The following MYO16 variants were observed in gnomAD, a reference collection of about 807,000 sequenced individuals.
MYO16 encodes unconventional myosin-XVI.
In MYO16, 94 loss-of-function variants were observed where a neutral mutation model predicts 205.3. The ratio of observed to expected loss-of-function variants is 0.46; its 90% CI spans 0.39 to 0.54. The LOEUF is 0.54. MYO16 is among the 20% of genes least tolerant of loss of function. The pLI, the probability that MYO16 is intolerant of heterozygous loss-of-function variation, is 0.00. For synonymous variants in MYO16, 988 were observed against 954.0 expected, an observed-to-expected ratio of 1.04 and a Z score of -0.66; for missense variants, 2,315 against 2,387.5, an observed-to-expected ratio of 0.97 and a Z score of 0.63.
chr13:108,542,930 A>G, the MYO16 span, among the ~76,000 whole-genome samples: 3 of 151,712 alleles, frequency 2.0e-5, no homozygotes, highest in African/African-American at 7.3e-5. Context: ...ATATGATTTT[A>G]TTATTATGCT....
intron 16 of MYO16, among the ~76,000 whole-genome samples, chr13:108,957,399 A>AAT: frequency 1.3e-5 from 2 of 151,626 alleles, no homozygotes; most frequent in South Asian, 4.2e-4. Context: ...AAAAAAAAAA[A>AAT]AACAAAAACA....
chr13:108,923,816 C>G (rs935155730), intron 16 of MYO16, among the ~76,000 whole-genome samples: 1 of 152,146 alleles, frequency 6.6e-6, no homozygotes, highest in African/African-American at 2.4e-5. Flanking sequence ...CATAGTAAAC[C>G]TCATCAACAA....
intron 1 of MYO16, among the ~76,000 whole-genome samples, chr13:108,631,610 G>A (rs117293471): frequency 2.5e-3 from 385 of 152,296 alleles, no homozygotes; most frequent in Non-Finnish European, 4.6e-3. Flanking sequence ...AGCTTTGAGT[G>A]TGACAGTCTA....
chr13:109,144,054 G>T lies in MYO16; in HGVS notation c.5164+2678G>T, dbSNP rs551822956. 2.9e-4 allele frequency among the ~76,000 whole-genome samples: 39 copies of T among 135,308 alleles called. No individual in the cohort carries two copies. In the South Asian group the frequency reaches 6.9e-3, roughly 24 times the overall value. 88.8% of individuals were successfully genotyped at this position (135,308 alleles called of 152,430 possible). ...TTTTTTTTTTTTTTGACGGAGTTTT[G>T]CTCTTGTTGGAGGGCAATGGCACAA... On this transcript the variant is annotated intron_variant, in intron 32 of 34. Transcript: ENST00000457511.
intron 16 of MYO16, 123 bp downstream of exon 16, chr13:108,910,273 T>TCCA: frequency 9.3e-7 from 1 of 1,080,752 alleles, no homozygotes; most frequent in Non-Finnish European, 1.3e-6. Flanking sequence ...AACTGTTGGA[T>TCCA]ACTGTTAGGT....
chr13:108,981,653 C>T (rs1025789491), intron 20 of MYO16, among the ~76,000 whole-genome samples: 13 of 152,236 alleles, frequency 8.5e-5, no homozygotes, highest in African/African-American at 2.7e-4. Flanking sequence ...ATTGCGGGGC[C>T]GCTGGGTTAG....
At position 109,141,018 on chromosome 13, in the gene MYO16, C is replaced by G. The variant is rs1255089404; in HGVS notation, c.4806C>G (p.Pro1602=). The G allele has an allele frequency of 5.3e-6, 7 of 1,324,420 alleles. No homozygotes were observed. Among genetic ancestry groups the G allele is most frequent in the Admixed American group, 4.2e-5 (1 of 23,962 alleles). The allele number at this position is 1,324,420 out of a possible 1,614,324, so 82.0% of individuals were successfully genotyped here. Residue 1602 remains proline (P), a synonymous_variant, in exon 32 of 35, where the codon CCC becomes CCG. Coordinates refer to ENST00000457511, the MANE Select transcript of MYO16 (RefSeq NM_001198950.3). The surrounding 1 kb of genome is among the most constrained non-coding windows in gnomAD (Gnocchi z 4.1). The part of the protein sequence containing the change: ...PSTPPPPPPP[P]GPPPAPYRPC... The stretch of plus-strand genomic sequence containing the variant: ...CGCCGCCCCCGCCCCCGCCCCCGCC[C>G]GGGCCGCCCCCCGCGCCCTACAGGC...
At chr13:108,956,926 C>T (rs960506873) in intron 16 of MYO16, among the ~76,000 whole-genome samples, 10 of 152,054 alleles carry the variant, frequency 6.6e-5, no homozygotes, top group Admixed American at 4.6e-4. Flanking sequence ...ATAGGTGATT[C>T]GTACATGTTT....
chr13:108,501,540 T>G, the MYO16 span, among the ~76,000 whole-genome samples: 492 of 152,332 alleles, frequency 3.2e-3, 6 homozygotes, highest in South Asian at 0.026. Flanking sequence ...GATCCAGACT[T>G]GCAAAAAGGT....
the MYO16 span, among the ~76,000 whole-genome samples, chr13:108,572,413 T>C: frequency 7.3e-6 from 1 of 137,308 alleles, no homozygotes; most frequent in Non-Finnish European, 1.6e-5. Flanking sequence ...TTTCTAATGT[T>C]CAGTTATTAT....
At chr13:108,918,136 G>C (rs2139255111) in intron 16 of MYO16, among the ~76,000 whole-genome samples, 1 of 152,316 alleles carries the variant, frequency 6.6e-6, no homozygotes, top group South Asian at 2.1e-4. Context: ...GCTTCAGCAA[G>C]AGAACTATTT....
chr13:108,688,151 T>C (rs893943933), intron 2 of MYO16, among the ~76,000 whole-genome samples: 2 of 152,204 alleles, frequency 1.3e-5, no homozygotes, highest in African/African-American at 2.4e-5. Flanking sequence ...TGTAAAAAAA[T>C]AGGAAATTAC....
chr13:108,577,338 C>T, the MYO16 span, among the ~76,000 whole-genome samples: 4 of 152,146 alleles, frequency 2.6e-5, no homozygotes, highest in African/African-American at 9.7e-5. Flanking sequence ...TAGAGAGCCT[C>T]AATGTCTCAT....
At chr13:108,585,835 G>C in the MYO16 span, among the ~76,000 whole-genome samples, 4 of 152,116 alleles carry the variant, frequency 2.6e-5, no homozygotes, top group Non-Finnish European at 5.9e-5. Flanking sequence ...TAAAAAATCC[G>C]AGCTTAGTCC....
At chr13:108,672,286 A>T (rs1001619583) in intron 2 of MYO16, among the ~76,000 whole-genome samples, 12 of 152,200 alleles carry the variant, frequency 7.9e-5, no homozygotes, top group Non-Finnish European at 1.6e-4. Context: ...GAAATAGTCA[A>T]ATGCACTTGT....
At position 109,119,862 on chromosome 13, in the gene MYO16, T is replaced by C. The variant is rs1875902971; in HGVS notation, c.3439-508T>C. On this transcript the variant is annotated intron_variant, in intron 28 of 34. Transcript: ENST00000457511. Reference sequence around the variant, plus strand: ...AACTTTAGTTCTGAAGTTCTATAATTGCAGTTGTACAAACATTTGATTTAT... The same window carrying C: ...AACTTTAGTTCTGAAGTTCTATAATCGCAGTTGTACAAACATTTGATTTAT... Among the ~76,000 whole-genome samples the C allele has an allele frequency of 2.6e-5, 4 of 152,248 alleles. No homozygotes were observed. In the South Asian group the frequency reaches 8.3e-4, roughly 32 times the overall value.
intron 14 of MYO16, among the ~76,000 whole-genome samples, chr13:108,895,647 G>A (rs1212026007): frequency 6.6e-6 from 1 of 152,104 alleles, no homozygotes; most frequent in Non-Finnish European, 1.5e-5. Context: ...AACTCACCTG[G>A]GTTCAACTCC....
chr13:108,536,035 G>GCA, the MYO16 span, among the ~76,000 whole-genome samples: 1 of 72,264 alleles, frequency 1.4e-5, no homozygotes, highest in Middle Eastern at 6.6e-3. Context: ...ATGTGTGTGT[G>GCA]CATGTGTGTG....
intron 23 of MYO16, among the ~76,000 whole-genome samples, chr13:109,023,368 ATATT>A (rs1481247642): frequency 1.5e-5 from 1 of 66,236 alleles, no homozygotes; most frequent in Non-Finnish European, 2.5e-5. Flanking sequence ...ATATAAATAT[ATATT>A]TATATATTAT....
Sources: allele counts gnomAD v4.1 joint callset (sites outside exome capture counted in the v4.1 genomes callset), GRCh38; gene constraint gnomAD v4.1.1; non-coding constraint Gnocchi (gnomAD v3.1); transcripts MANE v1.5; gene names NCBI Gene and HGNC (gene_info 2026-07-23, HGNC 2026-07-21).